NUMB: variants seen among roughly 807,000 people sequenced by gnomAD.
NUMB encodes NUMB endocytic adaptor protein.
A neutral mutation model predicts 59.7 loss-of-function variants in NUMB; 29 were observed. That is an observed-to-expected ratio of 0.49 (90% CI 0.36 to 0.66). The LOEUF is 0.66. Among genes scored for constraint, NUMB ranks in the 30% least tolerant of loss-of-function variants. The pLI is 0.00. For missense variants in NUMB, 723 were observed against 822.0 expected (o/e 0.88, Z 1.47); for synonymous variants, 288 against 288.2 (o/e 1.00, Z 0.01).
chr14:73,329,217 C>T (rs61985766), intron 4 of NUMB, among the ~76,000 whole-genome samples: 23,813 of 152,060 alleles, frequency 0.16, 2,696 homozygotes, highest in Non-Finnish European at 0.23. Context: ...GTTTTCATCT[C>T]GATGAGGTTA....
chr14:73,358,332 G>A (rs1452132816), intron 3 of NUMB, among the ~76,000 whole-genome samples: 1 of 152,108 alleles, frequency 6.6e-6, no homozygotes, highest in South Asian at 2.1e-4. Flanking sequence ...CCCTTCAATT[G>A]CTTCACACCA....
intron 4 of NUMB, among the ~76,000 whole-genome samples, chr14:73,324,941 G>A (rs760061670): frequency 7.2e-5 from 11 of 152,074 alleles, no homozygotes; most frequent in Non-Finnish European, 1.5e-4. Context: ...CTGCAATCAC[G>A]CTCTACTACC....
intron 2 of NUMB, among the ~76,000 whole-genome samples, chr14:73,401,563 ATTTT>A (rs1164847403): frequency 5.2e-4 from 57 of 110,028 alleles, no homozygotes; most frequent in African/African-American, 1.9e-3. Context: ...GTAAGACTAA[ATTTT>A]TTTTTTTTTT....
At chr14:73,402,067 G>A (rs1566781407) in intron 2 of NUMB, among the ~76,000 whole-genome samples, 1 of 151,974 alleles carries the variant, frequency 6.6e-6, no homozygotes. Flanking sequence ...GTCTCACTAT[G>A]TTTGCCCAGG....
intron 4 of NUMB, among the ~76,000 whole-genome samples, chr14:73,351,500 T>TAAA (rs765709719): frequency 2.0e-4 from 30 of 150,998 alleles, no homozygotes; most frequent in Non-Finnish European, 3.4e-4. Flanking sequence ...AATAAATAAA[T>TAAA]TAATTAATTA....
At chr14:73,311,337 A>G (rs921145845) in intron 6 of NUMB, among the ~76,000 whole-genome samples, 9 of 152,194 alleles carry the variant, frequency 5.9e-5, no homozygotes, top group African/African-American at 2.2e-4. Flanking sequence ...TACAGGCATG[A>G]GCCACCGTGC....
At chr14:73,438,223 A>ATATTCATTG (rs1898138253) in intron 1 of NUMB, among the ~76,000 whole-genome samples, 1 of 152,212 alleles carries the variant, frequency 6.6e-6, no homozygotes, top group Admixed American at 6.5e-5. Flanking sequence ...ATATTTAGCA[A>ATATTCATTG]TATTCATTGT....
Position 73,426,716 on chromosome 14 carries a change from G to A in NUMB, c.-232-16648C>T, listed in dbSNP as rs535672898. Among the ~76,000 whole-genome samples the A allele has an allele frequency of 1.5e-4, 23 of 151,890 alleles. No individual in the cohort carries two copies. The South Asian group carries it at 1.9e-3, about 12-fold the overall frequency. The stretch of plus-strand genomic sequence containing the variant: ...ACAAAAACTAGCCAGGCGTGGTGGC[G>A]GGCACCTGTAGTCCCAGCTACTCAG... On this transcript the variant is annotated intron_variant, in intron 1 of 12. Transcript: ENST00000555238.
At chr14:73,454,724 T>C (rs1172755579) in intron 1 of NUMB, among the ~76,000 whole-genome samples, 1 of 152,188 alleles carries the variant, frequency 6.6e-6, no homozygotes, top group East Asian at 1.9e-4. Flanking sequence ...CAAATCCCAC[T>C]GTAAAATTAT....
chr14:73,419,195 G>A (rs913005213), intron 1 of NUMB, among the ~76,000 whole-genome samples: 4 of 152,114 alleles, frequency 2.6e-5, no homozygotes, highest in Non-Finnish European at 4.4e-5. Flanking sequence ...AAACTATCTA[G>A]TAGAAGGAGG....
At chr14:73,383,263 T>C (rs1895338643) in intron 2 of NUMB, among the ~76,000 whole-genome samples, 1 of 151,960 alleles carries the variant, frequency 6.6e-6, no homozygotes, top group South Asian at 2.1e-4. Flanking sequence ...GAGGACAAGA[T>C]GAGAATTTCA....
Position 73,279,285 on chromosome 14 carries a change from A to G in NUMB, c.1236T>C (p.Cys412=). 1 of 1,614,158 alleles carries G rather than the reference A, an allele frequency of 6.2e-7. No individual in the cohort carries two copies. Among genetic ancestry groups the G allele is most frequent in the Non-Finnish European group, 8.5e-7 (1 of 1,179,994 alleles). Residue 412 remains cysteine, a synonymous_variant, in exon 12 of 13, where the codon TGT becomes TGC. Transcript: ENST00000555238. The part of the protein sequence containing the change: ...DAANKEIAAT[C]SGTEWGQSSG... Reference sequence around the variant, plus strand: ...CACCATCTGTGGCCACCTTACCCGAACATGTGGCTGCAATTTCCTTGTTAG... The same window carrying G: ...CACCATCTGTGGCCACCTTACCCGAGCATGTGGCTGCAATTTCCTTGTTAG...
At chr14:73,429,899 C>T (rs928929250) in intron 1 of NUMB, among the ~76,000 whole-genome samples, 3 of 151,316 alleles carry the variant, frequency 2.0e-5, no homozygotes, top group African/African-American at 4.9e-5. Context: ...GAGCCGAGAT[C>T]GCACCACTGC....
At chr14:73,326,121 T>C (rs1028349320) in intron 4 of NUMB, among the ~76,000 whole-genome samples, 1 of 152,022 alleles carries the variant, frequency 6.6e-6, no homozygotes, top group African/African-American at 2.4e-5. Flanking sequence ...AGGGAGGAGC[T>C]TGAGAAAGAC....
At chr14:73,442,996 G>A (rs1182380824) in intron 1 of NUMB, among the ~76,000 whole-genome samples, 2 of 152,052 alleles carry the variant, frequency 1.3e-5, no homozygotes, top group East Asian at 3.9e-4. Context: ...CTGAGTAGCT[G>A]GGACTACAAG....
chr14:73,347,069 T>G (rs1001027110), intron 4 of NUMB, among the ~76,000 whole-genome samples: 22 of 152,146 alleles, frequency 1.4e-4, no homozygotes, highest in African/African-American at 4.8e-4. Flanking sequence ...GCGTGATCAC[T>G]GCAGCCTCTA....
intron 1 of NUMB, among the ~76,000 whole-genome samples, chr14:73,448,744 T>C (rs61987082): frequency 0.22 from 33,073 of 152,066 alleles, 3,901 homozygotes; most frequent in Non-Finnish European, 0.24. Flanking sequence ...GTAAATAATA[T>C]AATGCTCAAT....
chr14:73,298,402 T>A (rs1052205038), intron 6 of NUMB: 4 of 152,220 alleles, frequency 2.6e-5, no homozygotes, highest in African/African-American at 9.6e-5. Context: ...TGGAGACATT[T>A]TGGGGACACA....
rs751525388 is a variant in NUMB at position 73,276,000 on chromosome 14, GATAT to G, written c.*574_*577del. On this transcript the variant is annotated 3_prime_UTR_variant, in exon 13 of 13. Transcript: ENST00000555238. Reference sequence around the variant, plus strand: ...CATAAAAATAAAGATTTTGGCTTTTGATATATATAATATTTATTCTGTTACTCAA... The same window carrying G: ...CATAAAAATAAAGATTTTGGCTTTTGATATAATATTTATTCTGTTACTCAA... 1 of 152,610 alleles carries G rather than the reference GATAT, an allele frequency of 6.6e-6. No individual in the cohort carries two copies. The highest frequency in any genetic ancestry group is 6.5e-5 in the Admixed American group (1 of 15,272). The allele number at this position is 152,610 out of a possible 1,614,324, so 9.5% of individuals were successfully genotyped here.
Sources: allele counts gnomAD v4.1 joint callset (sites outside exome capture counted in the v4.1 genomes callset), GRCh38; gene constraint gnomAD v4.1.1; transcripts MANE v1.5; gene names NCBI Gene and HGNC (gene_info 2026-07-23, HGNC 2026-07-21).